Variants in DNAH11 observed in about 807,000 individuals in gnomAD.
The protein encoded by DNAH11 is dynein axonemal heavy chain 11, also known as axonemal beta dynein heavy chain 11.
In DNAH11, 442 loss-of-function variants were observed where a neutral mutation model predicts 526.0. The ratio of observed to expected loss-of-function variants is 0.84; its 90% CI spans 0.78 to 0.91. DNAH11 has a LOEUF of 0.91. Among genes scored for constraint, DNAH11 ranks in the 40% least tolerant of loss-of-function variants. DNAH11 has a pLI of 0.00. For synonymous variants in DNAH11, 2,461 were observed against 1,935.9 expected (o/e 1.27, Z -7.12); for missense variants, 6,989 against 5,448.7 (o/e 1.28, Z -8.90).
rs757531242 is a variant in DNAH11 at position 21,901,246 on chromosome 7, GAAGCGTAAGGT to G, written c.13546_*5del. On this transcript the variant is annotated stop_lost and 3_prime_UTR_variant, in exon 82 of 82. Coordinates refer to ENST00000409508, the MANE Select transcript of DNAH11 (RefSeq NM_001277115.2). Reference sequence around the variant, plus strand: ...TCTGGCTGGAGTGGCTCTGCTTCTAGAAGCGTAAGGTAACACTGGCATTCCTCTAGCCTCTG... The same window carrying G: ...TCTGGCTGGAGTGGCTCTGCTTCTAGAACACTGGCATTCCTCTAGCCTCTG... 1.9e-6 allele frequency: 3 copies of G among 1,604,426 alleles called. No individual in the cohort carries two copies. Among genetic ancestry groups the G allele is most frequent in the Non-Finnish European group, 2.6e-6 (3 of 1,175,362 alleles).
At chr7:21,850,771 T>G (rs1394867069) in intron 66 of DNAH11, among the ~76,000 whole-genome samples, 1 of 152,156 alleles carries the variant, frequency 6.6e-6, no homozygotes, top group Non-Finnish European at 1.5e-5. Context: ...CTGTGTCTCA[T>G]GTTCATTTAG....
chr7:21,597,170 C>G (rs1339669156), intron 14 of DNAH11, among the ~76,000 whole-genome samples: 1 of 152,010 alleles, frequency 6.6e-6, no homozygotes, highest in African/African-American at 2.4e-5. Flanking sequence ...GCTCTCCTTT[C>G]TCTTCCTTTC....
At chr7:21,603,840 T>C (rs1785182955) in intron 18 of DNAH11, among the ~76,000 whole-genome samples, 1 of 152,208 alleles carries the variant, frequency 6.6e-6, no homozygotes, top group South Asian at 2.1e-4. Flanking sequence ...AAGTAATTGA[T>C]GAGGGAAATT....
At chr7:21,586,741 G>A (rs1385421256) in intron 9 of DNAH11, among the ~76,000 whole-genome samples, 4 of 152,174 alleles carry the variant, frequency 2.6e-5, no homozygotes, top group Non-Finnish European at 5.9e-5. Flanking sequence ...ATCTACCACT[G>A]TAAATATACT....
chr7:21,801,323 T>C (rs761236443), intron 62 of DNAH11, 48 bp downstream of exon 62: 14 of 1,600,792 alleles, frequency 8.7e-6, no homozygotes, highest in African/African-American at 2.7e-5. Flanking sequence ...TCAGATCAGC[T>C]TGTGGGGATT....
chr7:21,681,475 C>T (rs540633588), intron 30 of DNAH11, 71 bp from the exon 31 acceptor site: 53 of 1,472,510 alleles, frequency 3.6e-5, no homozygotes, highest in African/African-American at 7.1e-5. Context: ...TTTACAAATA[C>T]GAAGAATTTG....
chr7:21,784,201 G>C (rs1361368940), intron 57 of DNAH11, among the ~76,000 whole-genome samples: 1 of 152,176 alleles, frequency 6.6e-6, no homozygotes, highest in Non-Finnish European at 1.5e-5. Context: ...TTTGGAACTT[G>C]AATCCATTTA....
chr7:21,750,324 G>C lies in DNAH11; in HGVS notation c.8900G>C (p.Cys2967Ser), dbSNP rs757117968. The C allele has an allele frequency of 6.2e-7, 1 of 1,605,980 alleles. No individual in the cohort carries two copies. Among genetic ancestry groups the C allele is most frequent in the Non-Finnish European group, 8.5e-7 (1 of 1,176,118 alleles). Residue 2967 changes from cysteine (C) to serine (S), a missense_variant, in exon 54 of 82, where the codon TGT becomes TCT. Cys to Ser is a moderately radical substitution (Grantham distance 112). Coordinates refer to ENST00000409508, the MANE Select transcript of DNAH11 (RefSeq NM_001277115.2). Reference protein sequence around the residue: ...ALGMVDSRENCWKFFMARVRL... With the variant: ...ALGMVDSRENSWKFFMARVRL... Reference sequence around the variant, plus strand: ...GGCATGGTAGACTCCAGGGAAAACTGTTGGAAATTCTTTATGGCCAGGGTG... The same window carrying C: ...GGCATGGTAGACTCCAGGGAAAACTCTTGGAAATTCTTTATGGCCAGGGTG...
chr7:21,768,147 G>T (rs1267827316), intron 55 of DNAH11, among the ~76,000 whole-genome samples: 1 of 152,190 alleles, frequency 6.6e-6, no homozygotes, highest in Non-Finnish European at 1.5e-5. Flanking sequence ...TGAAGACTTT[G>T]TGTCAACGCA....
At chr7:21,680,482 C>T (rs1783093014) in intron 30 of DNAH11, among the ~76,000 whole-genome samples, 1 of 152,160 alleles carries the variant, frequency 6.6e-6, no homozygotes, top group Non-Finnish European at 1.5e-5. Flanking sequence ...ATCTTTCAAA[C>T]CTCTCTGACC....
Position 21,738,710 on chromosome 7 carries a change from A to C in DNAH11, c.7655A>C (p.Glu2552Ala). Residue 2552 changes from glutamate (E) to alanine (A), a missense_variant, in exon 47 of 82, where the codon GAG (glutamate) becomes GCG (alanine). By Grantham distance (107) the Glu-to-Ala change is moderately radical. Coordinates refer to ENST00000409508, the MANE Select transcript of DNAH11 (RefSeq NM_001277115.2). ...TATATGTTTATTTCAGAAATTCTTGAGAAACCCCTAGAGAAAAAAGCTGGT... is the reference window on the plus strand; with the variant it reads ...TATATGTTTATTTCAGAAATTCTTGCGAAACCCCTAGAGAAAAAAGCTGGT... ...TTSTALQKIL[E>A]KPLEKKAGHN... The C allele has an allele frequency of 6.4e-7, 1 of 1,571,704 alleles. No homozygotes were observed. Among genetic ancestry groups the C allele is most frequent in the Non-Finnish European group, 8.6e-7 (1 of 1,159,492 alleles).
In DNAH11 at chr7:21,899,361, C is replaced by T. The variant is rs774903187; in HGVS notation, c.13075C>T (p.Arg4359Ter). Residue 4359 changes from arginine (R) to a stop codon, truncating the protein, a stop_gained, in exon 80 of 82, where the codon CGA becomes TGA. Coordinates refer to ENST00000409508, the MANE Select transcript of DNAH11 (RefSeq NM_001277115.2). LOFTEE classifies it high-confidence loss of function. ...GTTCAATGACCTCCTCCTGCGATGC[C>T]GAGAACTCGATACTTGGACACAAGA... ...QWFNDLLLRC[R>*]ELDTWTQDLT... 33 of 1,613,876 alleles carry T rather than the reference C, an allele frequency of 2.0e-5. No homozygotes were observed. In the South Asian group the frequency reaches 2.3e-4, roughly 11 times the overall value.
In DNAH11 at chr7:21,676,818, G is replaced by A. The variant is rs560251083; in HGVS notation, c.5329-4728G>A. 9.1e-4 allele frequency among the ~76,000 whole-genome samples: 139 copies of A among 152,270 alleles called. 1 individual carries two copies. The highest frequency in any genetic ancestry group is 1.5e-3 in the Non-Finnish European group (104 of 68,020). ...TGTAAGATTGGATACTGCAAAGACCGGATATCTTGACCCAGATGAGAAAAT... is the reference window on the plus strand; with the variant it reads ...TGTAAGATTGGATACTGCAAAGACCAGATATCTTGACCCAGATGAGAAAAT... On this transcript the variant is annotated intron_variant, in intron 30 of 81. Transcript: ENST00000409508.
Position 21,588,523 on chromosome 7 carries a change from T to A in DNAH11, c.1860T>A (p.Gly620=). The A allele has an allele frequency of 6.2e-7, 1 of 1,613,800 alleles. No individual in the cohort carries two copies. The highest frequency in any genetic ancestry group is 1.1e-5 in the South Asian group (1 of 91,070). The part of the protein sequence containing the change: ...YNEHMKQIEC[G]HVVLNKNMPF... The stretch of plus-strand genomic sequence containing the variant: ...ATATCAACTTGCAGATTGAATGTGG[T>A]CATGTAGTTCTTAACAAGAACATGC... Residue 620 remains glycine, a synonymous_variant, in exon 11 of 82, where the codon GGT becomes GGA. Coordinates refer to ENST00000409508, the MANE Select transcript of DNAH11 (RefSeq NM_001277115.2).
Position 21,588,699 on chromosome 7 carries a change from G to A in DNAH11, c.1973+63G>A, listed in dbSNP as rs777971529. 3.9e-4 allele frequency: 609 copies of A among 1,562,680 alleles called. 2 individuals carry two copies. The highest frequency in any genetic ancestry group is 5.0e-4 in the Non-Finnish European group (575 of 1,139,376). ...ATGGTACGGGTGACATTTTATATAAGAGAGTGAGCTGTTCATATTAGCACT... is the reference window on the plus strand; with the variant it reads ...ATGGTACGGGTGACATTTTATATAAAAGAGTGAGCTGTTCATATTAGCACT... On this transcript the variant is annotated intron_variant, in intron 11 of 81. Coordinates refer to ENST00000409508, the MANE Select transcript of DNAH11 (RefSeq NM_001277115.2).
At chr7:21,758,679 GAGT>G (rs1203172218) in intron 54 of DNAH11, among the ~76,000 whole-genome samples, 2 of 152,230 alleles carry the variant, frequency 1.3e-5, no homozygotes, top group Non-Finnish European at 2.9e-5. Flanking sequence ...TCCAAAGAGT[GAGT>G]AGAAGTCTTT....
At chr7:21,786,112 A>G (rs1788166115) in intron 58 of DNAH11, among the ~76,000 whole-genome samples, 1 of 152,324 alleles carries the variant, frequency 6.6e-6, no homozygotes, top group East Asian at 1.9e-4. Context: ...AGTTCAGCCT[A>G]TCTTGGCCCT....
At chr7:21,639,567 T>A (rs1787026705) in intron 28 of DNAH11, among the ~76,000 whole-genome samples, 1 of 152,216 alleles carries the variant, frequency 6.6e-6, no homozygotes, top group African/African-American at 2.4e-5. Context: ...CCCCTATCTC[T>A]GCAAAAATAA....
In DNAH11 at chr7:21,650,376, T is replaced by C. The variant is rs201837418; in HGVS notation, c.4945-5456T>C. 1.6e-4 allele frequency among the ~76,000 whole-genome samples: 24 copies of C among 152,232 alleles called. 1 individual carries two copies. The East Asian group carries it at 4.4e-3, about 28-fold the overall frequency. ...TAAAAAGTTGAGATTAATATACTCA[T>C]TGCTATTTTTGAGTTACTATAGTTT... On this transcript the variant is annotated intron_variant, in intron 28 of 81. Transcript: ENST00000409508.
Sources: allele counts gnomAD v4.1 joint callset (sites outside exome capture counted in the v4.1 genomes callset), GRCh38; gene constraint gnomAD v4.1.1; transcripts MANE v1.5; gene names NCBI Gene and HGNC (gene_info 2026-07-23, HGNC 2026-07-21).